The following DLG2 variants were observed in gnomAD, a reference collection of about 807,000 sequenced individuals.
The protein encoded by DLG2 is disks large homolog 2.
A neutral mutation model predicts 132.5 loss-of-function variants in DLG2; 45 were observed. The ratio of observed to expected loss-of-function variants is 0.34; its 90% confidence interval spans 0.27 to 0.44. The LOEUF (loss-of-function observed/expected upper bound fraction) is 0.44, where lower values mean the gene tolerates loss of function less well. DLG2 is among the 20% of genes least tolerant of loss of function. The probability of loss-of-function intolerance (pLI) is 1.00; values close to 1 mark genes in which losing one functional copy is unlikely to be tolerated. For synonymous variants in DLG2, 424 were observed against 419.6 expected (o/e 1.01, Z -0.13); for missense variants, 1,045 against 1,196.9 (o/e 0.87, Z 1.87).
At chr11:83,518,469 C>T (rs868470431) in intron 21 of DLG2, among the ~76,000 whole-genome samples, 6 of 152,310 alleles carry the variant, frequency 3.9e-5, no homozygotes, top group East Asian at 1.9e-4. Flanking sequence ...TTGTGCTTCC[C>T]GGGTGAGGCA....
chr11:84,366,104 CA>C (rs2098680652), intron 7 of DLG2, among the ~76,000 whole-genome samples: 1 of 152,122 alleles, frequency 6.6e-6, no homozygotes, highest in Non-Finnish European at 1.5e-5. Flanking sequence ...ATCAGACTAA[CA>C]GCGGATCTCT....
intron 6 of DLG2, among the ~76,000 whole-genome samples, chr11:84,652,819 G>A (rs982467346): frequency 7.2e-5 from 11 of 152,010 alleles, no homozygotes; most frequent in African/African-American, 2.7e-4. Flanking sequence ...AATGCACAGA[G>A]TTAGCAAGAG....
rs572235370 is a variant in DLG2 at position 84,459,560 on chromosome 11, T to C, written c.519+75010A>G. Reference sequence around the variant, plus strand: ...TAGAAAATTTAACTTTTTTTCAACTTTTATATTTTATATTCTGGAATATGG... The same window carrying C: ...TAGAAAATTTAACTTTTTTTCAACTCTTATATTTTATATTCTGGAATATGG... On this transcript the variant is annotated intron_variant, in intron 7 of 27. Coordinates refer to ENST00000376104, the MANE Select transcript of DLG2 (RefSeq NM_001142699.3). Among the ~76,000 whole-genome samples the C allele has an allele frequency of 1.3e-4, 20 of 150,704 alleles. No homozygotes were observed. In the South Asian group the frequency reaches 2.9e-3, roughly 22 times the overall value.
intron 6 of DLG2, among the ~76,000 whole-genome samples, chr11:84,912,694 TC>T (rs1486776301): frequency 3.3e-5 from 5 of 152,242 alleles, no homozygotes; most frequent in African/African-American, 9.6e-5. Flanking sequence ...CCCCAGTTTT[TC>T]CACATCTCCT....
In DLG2 at chr11:85,171,238, G is replaced by T. The variant is rs190000400; in HGVS notation, c.187-16587C>A. Among the ~76,000 whole-genome samples, 28 of 152,266 alleles carry T rather than the reference G, an allele frequency of 1.8e-4. No homozygotes were observed. In the East Asian group the frequency reaches 4.8e-3, roughly 26 times the overall value. On this transcript the variant is annotated intron_variant, in intron 4 of 27. Transcript: ENST00000376104. ...CAGGTTATTGCATTAGGACTGACTA[G>T]GTAGACAGCTGGACCCATGGAGAGT...
chr11:83,571,422 A>T (rs1429221529), intron 19 of DLG2, among the ~76,000 whole-genome samples: 4 of 151,996 alleles, frequency 2.6e-5, no homozygotes, highest in Non-Finnish European at 5.9e-5. Context: ...AACGTTGTCC[A>T]TCGCTGTTAA....
chr11:85,373,510 A>G (rs190153058), intron 3 of DLG2, among the ~76,000 whole-genome samples: 239 of 152,248 alleles, frequency 1.6e-3, no homozygotes, highest in African/African-American at 5.5e-3. Flanking sequence ...GGCAGGAATG[A>G]GATAGTCAGA....
At chr11:85,605,847 C>T (rs779192120) in intron 2 of DLG2, among the ~76,000 whole-genome samples, 6 of 152,032 alleles carry the variant, frequency 3.9e-5, no homozygotes, top group East Asian at 1.9e-4. Flanking sequence ...GACATGGTTG[C>T]GGGTGCCTGT....
intron 6 of DLG2, among the ~76,000 whole-genome samples, chr11:84,940,551 T>C (rs1315502615): frequency 6.6e-6 from 1 of 152,252 alleles, no homozygotes; most frequent in Non-Finnish European, 1.5e-5. Context: ...TGAGATCTTT[T>C]GCCCATTTTT....
At chr11:85,247,561 T>A (rs566158313) in intron 4 of DLG2, among the ~76,000 whole-genome samples, 18 of 152,110 alleles carry the variant, frequency 1.2e-4, no homozygotes, top group African/African-American at 4.1e-4. Flanking sequence ...TATTAGTAAT[T>A]GAATAAAAAA....
intron 3 of DLG2, among the ~76,000 whole-genome samples, chr11:85,314,939 C>T (rs1299580577): frequency 6.6e-6 from 1 of 152,004 alleles, no homozygotes; most frequent in Non-Finnish European, 1.5e-5. Context: ...ATGGTTATTT[C>T]ACAAGCCAGA....
In DLG2 at chr11:84,092,496, C is replaced by T. The variant is rs533842993; in HGVS notation, c.749+6427G>A. Among the ~76,000 whole-genome samples the T allele has an allele frequency of 1.4e-4, 21 of 152,272 alleles. 1 individual carries two copies. The South Asian group carries it at 4.4e-3, about 32-fold the overall frequency. ...CATAGCTAGGAAGTAGTACCTGAAA[C>T]CTTGGTCTTTGACTCCAAATATTGT... On this transcript the variant is annotated intron_variant, in intron 10 of 27. Transcript: ENST00000376104.
chr11:83,902,020 G>T (rs1041802972), intron 15 of DLG2, among the ~76,000 whole-genome samples: 2 of 146,576 alleles, frequency 1.4e-5, no homozygotes, highest in East Asian at 1.9e-4. Context: ...ACTATTCAAG[G>T]TATTTTTTTT....
At chr11:84,631,016 T>TCA (rs1465732821) in intron 6 of DLG2, among the ~76,000 whole-genome samples, 74 of 122,546 alleles carry the variant, frequency 6.0e-4, no homozygotes, top group African/African-American at 1.9e-3. Flanking sequence ...TCTCTCTCTC[T>TCA]CTCACACACA....
chr11:84,485,335 T>C (rs575089499), intron 7 of DLG2, among the ~76,000 whole-genome samples: 2 of 152,282 alleles, frequency 1.3e-5, no homozygotes, highest in East Asian at 3.9e-4. Flanking sequence ...ACATAATTCC[T>C]ACAGAGCCAA....
rs116413416 is a variant in DLG2 at position 84,091,954 on chromosome 11, C to T, written c.749+6969G>A. ...TGCCTTCAGGTCCTTACTACACAGC[C>T]CCCCATAGGTTCTTTAACAACATGG... is the stretch of plus-strand genomic sequence containing the variant. On this transcript the variant is annotated intron_variant, in intron 10 of 27. Transcript: ENST00000376104. Among the ~76,000 whole-genome samples, 609 of 152,222 alleles carry T rather than the reference C, an allele frequency of 4.0e-3. 4 individuals carry two copies. The highest frequency in any genetic ancestry group is 0.014 in the African/African-American group (574 of 41,522).
intron 6 of DLG2, among the ~76,000 whole-genome samples, chr11:85,085,330 T>C (rs1008066239): frequency 6.6e-6 from 1 of 152,120 alleles, no homozygotes; most frequent in Non-Finnish European, 1.5e-5. Flanking sequence ...TAGAAACTCC[T>C]AGATACTATC....
At chr11:84,036,668 T>G (rs2095871731) in intron 11 of DLG2, among the ~76,000 whole-genome samples, 1 of 152,156 alleles carries the variant, frequency 6.6e-6, no homozygotes. Context: ...GCAAGAGTTT[T>G]CTTAGAAAAA....
At chr11:84,043,379 T>C (rs1215993725) in intron 11 of DLG2, among the ~76,000 whole-genome samples, 1 of 151,750 alleles carries the variant, frequency 6.6e-6, no homozygotes, top group African/African-American at 2.4e-5. Flanking sequence ...TTTTTGGATT[T>C]TTAATTTAAT....
Sources: gnomAD v4.1 joint callset for allele counts (sites outside exome capture counted in the v4.1 genomes callset) on GRCh38, gnomAD v4.1.1 for gene constraint, MANE v1.5 for transcripts, NCBI Gene and HGNC (gene_info 2026-07-23, HGNC 2026-07-21) for gene names.